LGR4: variants seen among roughly 807,000 people sequenced by gnomAD.
LGR4 encodes leucine rich repeat containing G protein-coupled receptor 4.
A neutral mutation model predicts 84.8 loss-of-function variants in LGR4; 44 were observed. The ratio of observed to expected loss-of-function variants is 0.52; its 90% CI spans 0.41 to 0.67. The LOEUF (loss-of-function observed/expected upper bound fraction) is 0.67, where lower values mean the gene tolerates loss of function less well. Ranked by LOEUF, LGR4 falls within the 30% of genes least tolerant of loss-of-function variation. The pLI is 0.00. For synonymous variants in LGR4, 429 were observed against 434.3 expected, an observed-to-expected ratio of 0.99 and a Z score of 0.15; for missense variants, 1,032 against 1,131.4, an observed-to-expected ratio of 0.91 and a Z score of 1.26.
intron 1 of LGR4, among the ~76,000 whole-genome samples, chr11:27,427,810 T>C (rs1590385395): frequency 6.6e-6 from 1 of 152,216 alleles, no homozygotes; most frequent in Admixed American, 6.5e-5. Flanking sequence ...ATTCCCTTAT[T>C]AGAGCCCTTG....
At position 27,374,053 on chromosome 11, in the gene LGR4, T is replaced by C; in HGVS notation, c.1182-7A>G. On this transcript the variant is annotated splice_region_variant and splice_polypyrimidine_tract_variant and intron_variant, in intron 13 of 17. Transcript: ENST00000379214. Reference sequence around the variant, plus strand: ...CAGGTTTCTACTCAGATCTCTGCAATTATAAGAGTAACATGTTAATCTTTC... The same window carrying C: ...CAGGTTTCTACTCAGATCTCTGCAACTATAAGAGTAACATGTTAATCTTTC... 6 of 1,588,844 alleles carry C rather than the reference T, an allele frequency of 3.8e-6. No individual in the cohort carries two copies. The highest frequency in any genetic ancestry group is 5.2e-6 in the Non-Finnish European group (6 of 1,157,304).
chr11:27,406,461 G>A (rs563076307), intron 2 of LGR4, among the ~76,000 whole-genome samples: 2 of 152,112 alleles, frequency 1.3e-5, no homozygotes, highest in East Asian at 1.9e-4. Flanking sequence ...GAAAAGCTTC[G>A]GCTCCCAATC....
At chr11:27,380,489 T>C in intron 9 of LGR4, 150 bp from the exon 10 acceptor site, 2 of 731,224 alleles carry the variant, frequency 2.7e-6, no homozygotes, top group Non-Finnish European at 4.4e-6. Context: ...TGTGGCAAAG[T>C]ATTCACAAAA....
At chr11:27,452,588 G>T in intron 1 of LGR4, among the ~76,000 whole-genome samples, 1 of 147,294 alleles carries the variant, frequency 6.8e-6, no homozygotes, top group African/African-American at 2.5e-5. Context: ...GTCATTTATA[G>T]TAAACCTGGA....
At chr11:27,403,878 T>C (rs569379588) in intron 2 of LGR4, among the ~76,000 whole-genome samples, 5 of 152,332 alleles carry the variant, frequency 3.3e-5, no homozygotes, top group African/African-American at 1.2e-4. Flanking sequence ...GTGATACAAA[T>C]ATTCTAGCAT....
rs575913973 is a variant in LGR4, at chr11:27,421,517, G to T, written c.186-8657C>A. On this transcript the variant is annotated intron_variant, in intron 1 of 17. Coordinates refer to ENST00000379214, the MANE Select transcript of LGR4 (RefSeq NM_018490.5). ...CAGCCTAGGAGACATTTAAGGGTGT[G>T]TTCTTCAAGGGGAAGCTAACACTAG... Among the ~76,000 whole-genome samples the T allele has an allele frequency of 2.9e-3, 444 of 152,264 alleles. 3 individuals carry two copies. Among genetic ancestry groups the T allele is most frequent in the African/African-American group, 0.01 (427 of 41,546 alleles).
At chr11:27,401,386 G>T (rs1863500483) in intron 2 of LGR4, among the ~76,000 whole-genome samples, 1 of 152,096 alleles carries the variant, frequency 6.6e-6, no homozygotes, top group Admixed American at 6.5e-5. Flanking sequence ...CTTTATTTTA[G>T]AGGTAAATCA....
At chr11:27,429,791 A>C (rs1025247036) in intron 1 of LGR4, among the ~76,000 whole-genome samples, 1 of 152,180 alleles carries the variant, frequency 6.6e-6, no homozygotes, top group African/African-American at 2.4e-5. Context: ...AAAAGAGCAA[A>C]GGAAAAGAAA....
chr11:27,418,183 C>G (rs1394563317), intron 1 of LGR4, among the ~76,000 whole-genome samples: 5 of 152,098 alleles, frequency 3.3e-5, no homozygotes, highest in Admixed American at 3.3e-4. Flanking sequence ...TCTTAACTTG[C>G]TATTACTGTT....
chr11:27,385,309 G>C lies in LGR4; in HGVS notation c.561C>G (p.Asn187Lys). 1 of 1,606,170 alleles carries C rather than the reference G, an allele frequency of 6.2e-7. No homozygotes were observed. The highest frequency in any genetic ancestry group is 8.5e-7 in the Non-Finnish European group (1 of 1,176,160). The change falls in exon 5 of 18, where the codon AAC becomes AAG. Residue 187 changes from asparagine to lysine, a missense_variant. Transcript: ENST00000379214. ...CAAAGTCAGGGATGCTTGAGATCTT[G>C]TTGAGAGCCAGGGTCAGCGCCTGTA... The part of the protein sequence containing the change: ...PTLQALTLAL[N>K]KISSIPDFAF...
At chr11:27,467,828 A>G (rs938263103) in intron 1 of LGR4, among the ~76,000 whole-genome samples, 3 of 152,238 alleles carry the variant, frequency 2.0e-5, no homozygotes, top group African/African-American at 7.2e-5. Flanking sequence ...TAAAGGACCT[A>G]TACTTAAAGA....
chr11:27,448,871 C>G (rs1405431792), intron 1 of LGR4, among the ~76,000 whole-genome samples: 1 of 152,180 alleles, frequency 6.6e-6, no homozygotes, highest in Admixed American at 6.5e-5. Flanking sequence ...TCTACTCTCA[C>G]TAGATTAAGA....
In LGR4 at chr11:27,380,377, T is replaced by C. The variant is rs376406202; in HGVS notation, c.903-38A>G. On this transcript the variant is annotated intron_variant, in intron 9 of 17. Coordinates refer to ENST00000379214, the MANE Select transcript of LGR4 (RefSeq NM_018490.5). The stretch of plus-strand genomic sequence containing the variant: ...GAGAAAGACAAGGTAATTTTTAAAT[T>C]TTTTTTCATATTTTATGTTTTAAAC... 7.2e-5 allele frequency: 108 copies of C among 1,502,218 alleles called. No individual in the cohort carries two copies. In the African/African-American group the frequency reaches 1.4e-3, roughly 19 times the overall value. The allele number at this position is 1,502,218 out of a possible 1,614,324, so 93.1% of individuals were successfully genotyped here. A position where few individuals can be genotyped will look rare whatever the true frequency, so the allele number is the denominator to read the frequency against.
chr11:27,453,591 A>AC (rs1395527340), intron 1 of LGR4, among the ~76,000 whole-genome samples: 3 of 150,626 alleles, frequency 2.0e-5, no homozygotes, highest in African/African-American at 7.3e-5. Flanking sequence ...CTAATCCCCC[A>AC]CCCCCCTGCC....
Position 27,385,385 on chromosome 11 carries a change from T to C in LGR4, c.485A>G (p.Asp162Gly). The change falls in exon 5 of 18, where the codon GAC becomes GGC. Residue 162 changes from aspartate (D) to glycine (G), a missense_variant. Physicochemically the swap from Asp to Gly is moderately conservative, Grantham distance 94. Coordinates refer to ENST00000379214, the MANE Select transcript of LGR4 (RefSeq NM_018490.5). ...LVQLRHLWLD[D>G]NSLTEVPVHP... ...CACAGGCACCTCCGTCAAGCTGTTG[T>C]CATCCAGCCACAGATGCCGTAACTG... 6.2e-7 allele frequency: 1 copy of C among 1,612,788 alleles called. No individual in the cohort carries two copies. The highest frequency in any genetic ancestry group is 8.5e-7 in the Non-Finnish European group (1 of 1,179,602).
intron 2 of LGR4, among the ~76,000 whole-genome samples, chr11:27,408,598 A>G (rs919189371): frequency 3.9e-5 from 6 of 152,116 alleles, no homozygotes; most frequent in African/African-American, 1.4e-4. Flanking sequence ...ATACCCAACA[A>G]GCCTAAAGGA....
intron 1 of LGR4, among the ~76,000 whole-genome samples, chr11:27,460,206 C>T (rs557870181): frequency 1.3e-5 from 2 of 152,280 alleles, no homozygotes; most frequent in South Asian, 4.1e-4. Flanking sequence ...ATGCCACAGA[C>T]CAAAGCCCTC....
intron 6 of LGR4, 67 bp downstream of exon 6, chr11:27,384,269 T>C: frequency 2.0e-6 from 2 of 1,014,708 alleles, no homozygotes; most frequent in Non-Finnish European, 1.5e-6. Context: ...TTTCTTTTTC[T>C]GCAGTGAAGT....
At chr11:27,402,808 T>A (rs2133388070) in intron 2 of LGR4, among the ~76,000 whole-genome samples, 1 of 152,258 alleles carries the variant, frequency 6.6e-6, no homozygotes, top group Non-Finnish European at 1.5e-5. Flanking sequence ...TATTCCCTAC[T>A]TCATCCTATC....
Sources: allele counts gnomAD v4.1 joint callset (sites outside exome capture counted in the v4.1 genomes callset), GRCh38; gene constraint gnomAD v4.1.1; transcripts MANE v1.5; gene names NCBI Gene and HGNC (gene_info 2026-07-23, HGNC 2026-07-21).